Variants in SLC38A8 observed in about 807,000 individuals in gnomAD.
SLC38A8 encodes the protein solute carrier family 38 member 8.
A neutral mutation model predicts 46.0 loss-of-function variants in SLC38A8; 65 were observed. That is an observed-to-expected ratio of 1.41 (90% CI 1.16 to 1.74). The LOEUF is 1.74. Ranked by LOEUF, SLC38A8 falls within the 40% of genes most tolerant of loss-of-function variation. SLC38A8 has a pLI of 0.00. For missense variants in SLC38A8, 998 were observed against 567.9 expected, an observed-to-expected ratio of 1.76 and a Z score of -7.70; for synonymous variants, 447 against 243.7, an observed-to-expected ratio of 1.83 and a Z score of -7.77.
chr16:84,031,683 T>C lies in SLC38A8; in HGVS notation c.632+184A>G, dbSNP rs116915886. On this transcript the variant is annotated intron_variant, in intron 5 of 10. Transcript: ENST00000299709. The stretch of plus-strand genomic sequence containing the variant: ...CCGGTCATCGCTAGCCACGGCCAGG[T>C]CCCTGCAGCAGAAGGAGAGTGGCCC... 8.6e-4 allele frequency among the ~76,000 whole-genome samples: 128 copies of C among 148,210 alleles called. No homozygotes were observed. In the East Asian group the frequency reaches 9.9e-3, roughly 11 times the overall value.
At chr16:84,024,454 C>G (rs765714037) in intron 6 of SLC38A8, among the ~76,000 whole-genome samples, 1 of 151,902 alleles carries the variant, frequency 6.6e-6, no homozygotes, top group East Asian at 2.0e-4. Context: ...GCTGAGATTA[C>G]AAGTACGAGC....
chr16:84,028,880 AC>A (rs1347708971), intron 6 of SLC38A8, among the ~76,000 whole-genome samples: 2 of 151,716 alleles, frequency 1.3e-5, no homozygotes, highest in African/African-American at 4.8e-5. Context: ...TCCCTTTCAA[AC>A]CCCACCACCT....
At chr16:84,028,368 G>A (rs1458930959) in intron 6 of SLC38A8, among the ~76,000 whole-genome samples, 2 of 151,906 alleles carry the variant, frequency 1.3e-5, no homozygotes, top group African/African-American at 2.4e-5. Context: ...ATCGCTTGAC[G>A]TCAGGAGTTC....
In SLC38A8 at chr16:84,017,131, A is replaced by G; in HGVS notation, c.953+9T>C. ...GCTTCACGGTGCCCCCCACTGAGCC[A>G]GGCCTCACCTCCCCAGGAAGAGCAC... On this transcript the variant is annotated intron_variant, in intron 8 of 10. Coordinates refer to ENST00000299709, the MANE Select transcript of SLC38A8 (RefSeq NM_001080442.3). 1 of 1,613,884 alleles carries G rather than the reference A, an allele frequency of 6.2e-7. No individual in the cohort carries two copies. Among genetic ancestry groups the G allele is most frequent in the Non-Finnish European group, 8.5e-7 (1 of 1,179,948 alleles).
chr16:84,016,604 G>C lies in SLC38A8; in HGVS notation c.1077C>G (p.Leu359=), dbSNP rs77876966. Residue 359 remains leucine, a synonymous_variant, in exon 9 of 11, where the codon CTC becomes CTG. Transcript: ENST00000299709. ...PLTILWVTVT[L]AMALFMPDLS... is the part of the protein sequence containing the mutation. ...GGTCAGGCATAAACAGCGCCATGGC[G>C]AGCGTCACGGTGACCCACAGGATGG... 1 of 1,613,950 alleles carries C rather than the reference G, an allele frequency of 6.2e-7. No homozygotes were observed. The highest frequency in any genetic ancestry group is 8.5e-7 in the Non-Finnish European group (1 of 1,180,022).
In SLC38A8 at chr16:84,036,895, C is replaced by G. The variant is rs1317524; in HGVS notation, c.195G>C (p.Ser65=). 542,965 of 1,607,100 alleles carry G rather than the reference C, an allele frequency of 0.34. 94,808 individuals are homozygous for G. The highest frequency in any genetic ancestry group is 0.57 in the East Asian group (25,333 of 44,656). Residue 65 remains serine (S), a synonymous_variant, in exon 3 of 11, where the codon TCG becomes TCC. Transcript: ENST00000299709. The stretch of plus-strand genomic sequence containing the variant: ...CCAGCCCGCTGATCAGGAAGACCAA[C>G]GAGACCTGCGGAGAAGGAGCAGGAC... ...VVPAFLVELV[S]LVFLISGLVI...
chr16:84,018,217 TCATTC>T (rs1372803104), intron 7 of SLC38A8, among the ~76,000 whole-genome samples: 1 of 136,780 alleles, frequency 7.3e-6, no homozygotes, highest in Non-Finnish European at 1.6e-5. Context: ...GACTCAGCCC[TCATTC>T]CTTTTTTTTT....
In SLC38A8 at chr16:84,017,255, C is replaced by T; in HGVS notation, c.838G>A (p.Val280Ile). The T allele has an allele frequency of 1.2e-6, 2 of 1,614,124 alleles. No homozygotes were observed. The highest frequency in any genetic ancestry group is 4.5e-5 in the East Asian group (2 of 44,882). Residue 280 changes from valine to isoleucine, a missense_variant, in exon 8 of 11, where the codon GTT (valine) becomes ATT (isoleucine). Val to Ile is a conservative substitution (Grantham distance 29). Transcript: ENST00000299709. ...TAGGACATCAAGACGTCAGCAGAAACTTCTGTCCCAAAAGTCAGGAAGCCA... is the reference window on the plus strand; with the variant it reads ...TAGGACATCAAGACGTCAGCAGAAATTTCTGTCCCAAAAGTCAGGAAGCCA... ...VYGFLTFGTE[V>I]SADVLMSYPG...
chr16:84,033,580 C>G, intron 3 of SLC38A8, 111 bp from the exon 4 acceptor site: 1 of 1,246,738 alleles, frequency 8.0e-7, no homozygotes, highest in Non-Finnish European at 1.1e-6. Context: ...CTCAGCCAGC[C>G]CCAGGAGCCC....
rs377654451 is a variant in SLC38A8 at position 84,009,864 on chromosome 16, C to T, written c.1228G>A (p.Val410Ile). The T allele has an allele frequency of 1.6e-5, 26 of 1,613,764 alleles. No individual in the cohort carries two copies. In the African/African-American group the frequency reaches 3.2e-4, roughly 20 times the overall value. Residue 410 changes from valine (V) to isoleucine (I), a missense_variant, in exon 11 of 11, where the codon GTC becomes ATC. By Grantham distance (29) the Val-to-Ile change is conservative (BLOSUM62 3). Coordinates refer to ENST00000299709, the MANE Select transcript of SLC38A8 (RefSeq NM_001080442.3). ...IGPRVKCCLE[V>I]WGVVSVLVGT... is the part of the protein sequence containing the mutation. Reference sequence around the variant, plus strand: ...ACCAGCACAGAGACCACTCCCCAGACCTCCAGGCAGCACCTGCCAAGTGAA... The same window carrying T: ...ACCAGCACAGAGACCACTCCCCAGATCTCCAGGCAGCACCTGCCAAGTGAA...
At chr16:84,036,635 G>A (rs2085302177) in intron 3 of SLC38A8, 67 bp downstream of exon 3, 4 of 1,574,410 alleles carry the variant, frequency 2.5e-6, no homozygotes, top group Non-Finnish European at 3.5e-6. Context: ...CTGCTCAACT[G>A]GAAACTCCAA....
At chr16:84,042,868 G>A (rs545827463), upstream of SLC38A8, among the ~76,000 whole-genome samples, 11 of 144,234 alleles carry the variant, frequency 7.6e-5, no homozygotes, top group Non-Finnish European at 1.4e-4. Flanking sequence ...TGCAGGCCCG[G>A]CCCCGGGGGT....
chr16:84,042,021 G>T lies in SLC38A8; in HGVS notation c.137C>A (p.Pro46His). The change falls in exon 2 of 11, where the codon CCC becomes CAC. Residue 46 changes from proline to histidine, a missense_variant. Transcript: ENST00000299709. ...SALGAGLLNF[P>H]WAFSKAGGVV... ...TCCGCCCGCTTTGGAGAAGGCCCAG[G>T]GGAAGTTGAGCAGGCCAGCTCCCAG... is the stretch of plus-strand genomic sequence containing the variant. 6.2e-7 allele frequency: 1 copy of T among 1,613,460 alleles called. No homozygotes were observed. Among genetic ancestry groups the T allele is most frequent in the Non-Finnish European group, 8.5e-7 (1 of 1,179,722 alleles).
At chr16:84,026,928 A>T (rs2085171446) in intron 6 of SLC38A8, among the ~76,000 whole-genome samples, 1 of 152,220 alleles carries the variant, frequency 6.6e-6, no homozygotes, top group Non-Finnish European at 1.5e-5. Context: ...GAGGGGCAAC[A>T]GAAAGGTTCT....
intron 10 of SLC38A8, among the ~76,000 whole-genome samples, chr16:84,011,618 C>T (rs1209774000): frequency 6.6e-6 from 1 of 152,182 alleles, no homozygotes; most frequent in Non-Finnish European, 1.5e-5. Context: ...CTGTGCTTGC[C>T]AGCTTATCTG....
At chr16:84,038,935 G>A (rs1482301944) in intron 2 of SLC38A8, among the ~76,000 whole-genome samples, 1 of 152,204 alleles carries the variant, frequency 6.6e-6, no homozygotes, top group East Asian at 1.9e-4. Flanking sequence ...CCTAGAGCCT[G>A]TGAACGTGAC....
rs763037826 is a variant in SLC38A8 at position 84,031,910 on chromosome 16, G to A, written c.589C>T (p.Leu197Phe). 5.0e-5 allele frequency: 81 copies of A among 1,614,090 alleles called. No homozygotes were observed. In the South Asian group the frequency reaches 7.8e-4, roughly 16 times the overall value. ...TCACGCACGAGGCCCTGGGGCCAGA[G>A]GTAGTACTGCACGGTGATGACCAGG... is the stretch of plus-strand genomic sequence containing the variant. ...LALVITVQYYLWPQGLVRESH... is the reference protein window; with the variant it reads ...LALVITVQYYFWPQGLVRESH... The change falls in exon 5 of 11, where the codon CTC becomes TTC. Residue 197 changes from leucine (L) to phenylalanine (F), a missense_variant. By Grantham distance (22) the Leu-to-Phe change is conservative. Transcript: ENST00000299709.
intron 5 of SLC38A8, among the ~76,000 whole-genome samples, chr16:84,030,061 T>C (rs976088515): frequency 6.6e-6 from 1 of 152,128 alleles, no homozygotes; most frequent in Non-Finnish European, 1.5e-5. Context: ...TTACTGAAAG[T>C]AAGATGAAGT....
rs143414086 is a variant in SLC38A8, at chr16:84,023,015, C to G, written c.691-126G>C. The G allele has an allele frequency of 3.4e-4, 214 of 638,774 alleles. No homozygotes were observed. The Middle Eastern group carries it at 7.7e-3, about 23-fold the overall frequency. The allele number at this position is 638,774 out of a possible 1,614,324, so 39.6% of individuals were successfully genotyped here. ...GAGGTTTCTCTTGAAATAGCCTGAT[C>G]AATCCTTTATTCTTTAATTCACAGT... is the stretch of plus-strand genomic sequence containing the variant. On this transcript the variant is annotated intron_variant, in intron 6 of 10. Transcript: ENST00000299709.
Sources: allele counts gnomAD v4.1 joint callset (sites outside exome capture counted in the v4.1 genomes callset), GRCh38; gene constraint gnomAD v4.1.1; transcripts MANE v1.5; gene names NCBI Gene and HGNC (gene_info 2026-07-23, HGNC 2026-07-21).